Variants in FAXDC2 observed in about 807,000 individuals in gnomAD.
FAXDC2 encodes the protein fatty acid hydroxylase domain-containing protein 2.
In FAXDC2, 41 loss-of-function variants were observed where a neutral mutation model predicts 40.9. That is an observed-to-expected ratio of 1.00 (90% confidence interval 0.78 to 1.30). The LOEUF (loss-of-function observed/expected upper bound fraction) is 1.30, where lower values mean the gene tolerates loss of function less well. Ranked by LOEUF, FAXDC2 falls within the 50% of genes most tolerant of loss-of-function variation. The probability of loss-of-function intolerance (pLI) is 0.00; values close to 1 mark genes in which losing one functional copy is unlikely to be tolerated. For synonymous variants in FAXDC2, 157 were observed against 149.3 expected (o/e 1.05, Z -0.38); for missense variants, 390 against 408.8 (o/e 0.95, Z 0.40).
At chr5:154,843,350 A>G (rs531064173) in intron 1 of FAXDC2, among the ~76,000 whole-genome samples, 1 of 152,236 alleles carries the variant, frequency 6.6e-6, no homozygotes, top group African/African-American at 2.4e-5. Flanking sequence ...TTTGATCTTT[A>G]GGAGCTCATC....
At chr5:154,824,623 G>C in intron 5 of FAXDC2, 1 of 701,338 alleles carries the variant, frequency 1.4e-6, no homozygotes, top group Non-Finnish European at 2.6e-6. Context: ...AAGAGGCGGG[G>C]TATCACATCT....
At chr5:154,826,293 C>T (rs1048502405) in intron 5 of FAXDC2, among the ~76,000 whole-genome samples, 8 of 151,870 alleles carry the variant, frequency 5.3e-5, no homozygotes, top group East Asian at 3.9e-4. Flanking sequence ...TTTGTGAGGC[C>T]GAGGTGGATG....
At chr5:154,841,060 C>T (rs1339883363) in intron 1 of FAXDC2, among the ~76,000 whole-genome samples, 2 of 152,160 alleles carry the variant, frequency 1.3e-5, no homozygotes, top group African/African-American at 4.8e-5. Flanking sequence ...ATCTGATATC[C>T]TGCCAGGGAG....
chr5:154,834,729 C>G lies in FAXDC2; in HGVS notation c.141-1G>C. On this transcript the variant is annotated splice_acceptor_variant, in intron 3 of 8. Transcript: ENST00000326080. LOFTEE classifies it high-confidence loss of function. ...AGCACCCCAAAATCTCTGAAGATGC[C>G]TTGGAAAAAAAACCAGGTTTCTGGG... The G allele has an allele frequency of 6.2e-7, 1 of 1,613,404 alleles. No homozygotes were observed. The highest frequency in any genetic ancestry group is 8.5e-7 in the Non-Finnish European group (1 of 1,179,780).
rs1759854433 is a variant in FAXDC2 at position 154,820,421 on chromosome 5, A to C, written c.897T>G (p.Thr299=). The C allele has an allele frequency of 1.2e-6, 2 of 1,613,164 alleles. No homozygotes were observed. The highest frequency in any genetic ancestry group is 8.5e-7 in the Non-Finnish European group (1 of 1,179,808). ...VLGVLDHLHG[T]DTMFKQTKAY... ...CCTTGGTCTGCTTGAACATGGTGTC[A>C]GTCCCATGGAGGTGGTCCAGCACAC... Residue 299 remains threonine, a synonymous_variant, in exon 9 of 9, where the codon ACT becomes ACG. Coordinates refer to ENST00000326080, the MANE Select transcript of FAXDC2 (RefSeq NM_032385.5).
Position 154,837,283 on chromosome 5 carries a change from T to TTTTG in FAXDC2, c.48+844_48+847dup, listed in dbSNP as rs563450749. ...GAGGAACTTGCTCTTTTTTTTGTTTTTTTGTTTGTTTGTTTGTTTGTTTGT... is the reference window on the plus strand; with the variant it reads ...GAGGAACTTGCTCTTTTTTTTGTTTTTTTGTTTGTTTGTTTGTTTGTTTGTTTGT... On this transcript the variant is annotated intron_variant, in intron 2 of 8. Transcript: ENST00000326080. Among the ~76,000 whole-genome samples, 324 of 152,138 alleles carry TTTTG rather than the reference T, an allele frequency of 2.1e-3. 1 individual carries two copies. Among genetic ancestry groups the TTTTG allele is most frequent in the South Asian group, 7.7e-3 (37 of 4,818 alleles).
chr5:154,839,522 C>T (rs954534316), intron 1 of FAXDC2, among the ~76,000 whole-genome samples: 4 of 151,622 alleles, frequency 2.6e-5, no homozygotes, highest in Non-Finnish European at 4.4e-5. Context: ...GTAGCACATG[C>T]CTGTGGTCCC....
chr5:154,845,952 A>C (rs1252577023), intron 1 of FAXDC2, among the ~76,000 whole-genome samples: 2 of 150,112 alleles, frequency 1.3e-5, no homozygotes, highest in Non-Finnish European at 3.0e-5. Flanking sequence ...CACCCAGCTA[A>C]TTTTTGTATA....
At chr5:154,824,916 C>T (rs1759983304) in intron 5 of FAXDC2, among the ~76,000 whole-genome samples, 1 of 151,850 alleles carries the variant, frequency 6.6e-6, no homozygotes, top group Admixed American at 6.6e-5. Flanking sequence ...TCACGAAACC[C>T]CATCTAATTT....
chr5:154,835,662 GCTCCGC>G (rs1298451816), intron 2 of FAXDC2, among the ~76,000 whole-genome samples: 5 of 151,368 alleles, frequency 3.3e-5, no homozygotes. Context: ...CTCACTGCCA[GCTCCGC>G]CTCCCGGGTT....
At chr5:154,832,715 T>C (rs1227983754) in intron 4 of FAXDC2, among the ~76,000 whole-genome samples, 4 of 152,190 alleles carry the variant, frequency 2.6e-5, no homozygotes, top group African/African-American at 9.7e-5. Context: ...TCATATTGGC[T>C]TATCACCAAG....
chr5:154,849,957 T>G (rs576059808), intron 1 of FAXDC2, among the ~76,000 whole-genome samples: 161 of 152,334 alleles, frequency 1.1e-3, no homozygotes, highest in Non-Finnish European at 2.0e-3. Context: ...TCAAAACAGT[T>G]TCAACCTACT....
chr5:154,823,344 A>G, intron 6 of FAXDC2, 43 bp downstream of exon 6: 1 of 1,583,254 alleles, frequency 6.3e-7, no homozygotes, highest in African/African-American at 1.3e-5. Flanking sequence ...TGAGCCCTAG[A>G]CAGGATGAGG....
At chr5:154,837,645 G>A (rs922827731) in intron 2 of FAXDC2, among the ~76,000 whole-genome samples, 1 of 152,136 alleles carries the variant, frequency 6.6e-6, no homozygotes, top group African/African-American at 2.4e-5. Context: ...TATTTGTTCG[G>A]GGATGTTGGG....
chr5:154,830,931 G>A lies in FAXDC2; in HGVS notation c.245-9C>T. ...AGGCACTTGGATGGCACCTGAGATT[G>A]GGAAACAGAAACAGTCAGGGCGACT... On this transcript the variant is annotated splice_polypyrimidine_tract_variant and intron_variant, in intron 4 of 8. Coordinates refer to ENST00000326080, the MANE Select transcript of FAXDC2 (RefSeq NM_032385.5). 6.2e-7 allele frequency: 1 copy of A among 1,613,390 alleles called. No individual in the cohort carries two copies. Among genetic ancestry groups the A allele is most frequent in the South Asian group, 1.1e-5 (1 of 91,046 alleles).
intron 6 of FAXDC2, 85 bp downstream of exon 6, chr5:154,823,302 C>G: frequency 7.7e-7 from 1 of 1,291,530 alleles, no homozygotes; most frequent in Non-Finnish European, 1.1e-6. Flanking sequence ...GCGTGAGTCA[C>G]TGCACCTGGC....
At chr5:154,838,280 G>T (rs1408050902) in intron 1 of FAXDC2, 102 bp from the exon 2 acceptor site, 7 of 770,412 alleles carry the variant, frequency 9.1e-6, no homozygotes, top group East Asian at 3.7e-5. Flanking sequence ...AGTGATTTTT[G>T]AAAAAAAAAA....
In FAXDC2 at chr5:154,833,752, C is replaced by T. The variant is rs139431951; in HGVS notation, c.244+873G>A. On this transcript the variant is annotated intron_variant, in intron 4 of 8. Transcript: ENST00000326080. ...GTCATGATCTTGGCTCACTGCAACC[C>T]GCCTCCCAGGTTCAAGTGATTCTCC... 3.2e-3 allele frequency among the ~76,000 whole-genome samples: 487 copies of T among 151,720 alleles called. 3 individuals carry two copies. The highest frequency in any genetic ancestry group is 0.011 in the African/African-American group (473 of 41,382).
intron 5 of FAXDC2, among the ~76,000 whole-genome samples, chr5:154,828,772 A>T (rs955279881): frequency 2.7e-5 from 4 of 150,548 alleles, no homozygotes; most frequent in Non-Finnish European, 5.9e-5. Flanking sequence ...AATTAAAATA[A>T]TTTTTTTTGT....
Sources: allele counts gnomAD v4.1 joint callset (sites outside exome capture counted in the v4.1 genomes callset), GRCh38; gene constraint gnomAD v4.1.1; transcripts MANE v1.5; gene names NCBI Gene and HGNC (gene_info 2026-07-23, HGNC 2026-07-21).